Variants in HS3ST2 observed in about 807,000 individuals in gnomAD.
The protein encoded by HS3ST2 is heparan sulfate glucosamine 3-O-sulfotransferase 2.
A neutral mutation model predicts 26.3 loss-of-function variants in HS3ST2; 17 were observed. That is an observed-to-expected ratio of 0.65 (90% CI 0.44 to 0.97). HS3ST2 has a LOEUF of 0.97. Ranked by LOEUF, HS3ST2 falls within the 50% of genes least tolerant of loss-of-function variation. The pLI is 0.00. For missense variants in HS3ST2, 402 were observed against 501.2 expected, an observed-to-expected ratio of 0.80 and a Z score of 1.89; for synonymous variants, 237 against 219.2, an observed-to-expected ratio of 1.08 and a Z score of -0.72.
At chr16:22,833,089 C>T (rs1466973369) in intron 1 of HS3ST2, among the ~76,000 whole-genome samples, 2 of 152,196 alleles carry the variant, frequency 1.3e-5, no homozygotes, top group Non-Finnish European at 2.9e-5. Context: ...ACTCCCCAGC[C>T]TCTGCTAAAG....
chr16:22,896,415 C>A (rs1902211580), intron 1 of HS3ST2, among the ~76,000 whole-genome samples: 1 of 152,200 alleles, frequency 6.6e-6, no homozygotes, highest in Non-Finnish European at 1.5e-5. Flanking sequence ...CCCACATAGC[C>A]ATCTTATATC....
intron 1 of HS3ST2, among the ~76,000 whole-genome samples, chr16:22,863,291 G>T (rs1349921525): frequency 1.3e-5 from 2 of 152,164 alleles, no homozygotes; most frequent in South Asian, 4.1e-4. Flanking sequence ...TCATAAAAAT[G>T]GTCCCCCAGT....
chr16:22,819,076 C>G (rs1283879587), intron 1 of HS3ST2, among the ~76,000 whole-genome samples: 1 of 6,624 alleles, frequency 1.5e-4, no homozygotes, highest in African/African-American at 1.4e-3. Flanking sequence ...CCTTCCTTCC[C>G]TCCCTCCCTC....
intron 1 of HS3ST2, among the ~76,000 whole-genome samples, chr16:22,863,100 G>A (rs1901702035): frequency 6.6e-6 from 1 of 152,200 alleles, no homozygotes; most frequent in African/African-American, 2.4e-5. Flanking sequence ...AAGCTTCTGT[G>A]GGATCATCTG....
chr16:22,836,726 C>A (rs1158755360), intron 1 of HS3ST2, among the ~76,000 whole-genome samples: 1 of 152,172 alleles, frequency 6.6e-6, no homozygotes, highest in Non-Finnish European at 1.5e-5. Context: ...TCACTGCAAC[C>A]TCTGCCTCCC....
At chr16:22,902,738 A>G (rs1383582196) in intron 1 of HS3ST2, among the ~76,000 whole-genome samples, 1 of 152,162 alleles carries the variant, frequency 6.6e-6, no homozygotes. Flanking sequence ...TTCCAGCCTT[A>G]CAGGTGAATA....
At chr16:22,914,486 G>T (rs113610917) in intron 1 of HS3ST2, among the ~76,000 whole-genome samples, 3,518 of 152,008 alleles carry the variant, frequency 0.023, 68 homozygotes, top group Middle Eastern at 0.071. Flanking sequence ...TGGGAGGATT[G>T]CTTGAGCCCA....
intron 1 of HS3ST2, among the ~76,000 whole-genome samples, chr16:22,820,748 A>C (rs558493479): frequency 2.0e-5 from 3 of 152,252 alleles, no homozygotes; most frequent in Admixed American, 2.0e-4. Flanking sequence ...AAACCCTATC[A>C]CTTGTTACAG....
chr16:22,887,995 A>G (rs980229026), intron 1 of HS3ST2, among the ~76,000 whole-genome samples: 58 of 152,146 alleles, frequency 3.8e-4, no homozygotes, highest in Admixed American at 2.6e-3. Context: ...GATAAATACA[A>G]CAGCTTTCTT....
intron 1 of HS3ST2, among the ~76,000 whole-genome samples, chr16:22,902,178 G>A (rs1268442380): frequency 6.6e-6 from 1 of 152,082 alleles, no homozygotes; most frequent in African/African-American, 2.4e-5. Context: ...ATAATATGTT[G>A]ATTCCTTTAG....
In HS3ST2 at chr16:22,844,746, C is replaced by CACCTTT. The variant is rs1459896473; in HGVS notation, c.485+29657_485+29662dup. Among the ~76,000 whole-genome samples, 119 of 152,300 alleles carry CACCTTT rather than the reference C, an allele frequency of 7.8e-4. 1 individual carries two copies. Among genetic ancestry groups the CACCTTT allele is most frequent in the African/African-American group, 2.8e-3 (118 of 41,556 alleles). ...GACGTGCTTGCTTCACCTTCACTTT[C>CACCTTT]ACCTTTACCTTCACCTTCCACCATG... On this transcript the variant is annotated intron_variant, in intron 1 of 1. Coordinates refer to ENST00000261374, the MANE Select transcript of HS3ST2 (RefSeq NM_006043.2).
At chr16:22,841,388 C>G (rs1016780105) in intron 1 of HS3ST2, among the ~76,000 whole-genome samples, 4 of 152,136 alleles carry the variant, frequency 2.6e-5, no homozygotes, top group African/African-American at 9.7e-5. Flanking sequence ...TTTGGCACTA[C>G]CTGCATTTCT....
rs9935922 is a variant in HS3ST2, at chr16:22,846,059, C to T, written c.485+30964C>T. ...TTGGGAGGCCAAGGCAGGTGGATCA[C>T]CTGAGGTCAGGAGTTCAAGACCAGC... On this transcript the variant is annotated intron_variant, in intron 1 of 1. Transcript: ENST00000261374. Among the ~76,000 whole-genome samples the T allele has an allele frequency of 3.9e-3, 591 of 152,274 alleles. 5 individuals are homozygous for T. The highest frequency in any genetic ancestry group is 0.014 in the Middle Eastern group (4 of 294).
intron 1 of HS3ST2, among the ~76,000 whole-genome samples, chr16:22,860,878 A>G (rs1748441958): frequency 6.6e-6 from 1 of 150,698 alleles, no homozygotes; most frequent in African/African-American, 2.4e-5. Flanking sequence ...TATTTAATAT[A>G]ATTATATATA....
At chr16:22,875,307 G>A (rs867159767) in intron 1 of HS3ST2, among the ~76,000 whole-genome samples, 2 of 151,976 alleles carry the variant, frequency 1.3e-5, no homozygotes, top group Admixed American at 6.6e-5. Context: ...AAGTAAAAAT[G>A]TTATAGTGAG....
chr16:22,867,473 G>A (rs751576506), intron 1 of HS3ST2, among the ~76,000 whole-genome samples: 3 of 152,184 alleles, frequency 2.0e-5, no homozygotes, highest in African/African-American at 4.8e-5. Flanking sequence ...ATATAAAGTC[G>A]AGGTGTAGAT....
intron 1 of HS3ST2, among the ~76,000 whole-genome samples, chr16:22,840,540 G>T (rs921661968): frequency 8.6e-5 from 13 of 152,046 alleles, no homozygotes; most frequent in Admixed American, 8.5e-4. Context: ...GTGCCACCAC[G>T]CCTGGCTAAT....
rs188144832 is a variant in HS3ST2 at position 22,855,548 on chromosome 16, C to T, written c.485+40453C>T. Among the ~76,000 whole-genome samples, 93 of 152,344 alleles carry T rather than the reference C, an allele frequency of 6.1e-4. 1 individual carries two copies. The highest frequency in any genetic ancestry group is 2.0e-3 in the African/African-American group (85 of 41,578). ...CACGCCCCTGCTGCTCTCTAAACAT[C>T]TGGAAGGCTCTCCTGCCACCCTGCT... On this transcript the variant is annotated intron_variant, in intron 1 of 1. Transcript: ENST00000261374.
At chr16:22,825,971 C>T (rs568811583) in intron 1 of HS3ST2, among the ~76,000 whole-genome samples, 19 of 152,064 alleles carry the variant, frequency 1.2e-4, no homozygotes, top group South Asian at 1.0e-3. Context: ...TGCAGTGAGC[C>T]GAAATCATGC....
Sources: allele counts gnomAD v4.1 joint callset (sites outside exome capture counted in the v4.1 genomes callset), GRCh38; gene constraint gnomAD v4.1.1; transcripts MANE v1.5; gene names NCBI Gene and HGNC (gene_info 2026-07-23, HGNC 2026-07-21).